TRABD2B: variants seen among roughly 807,000 people sequenced by gnomAD.
TRABD2B encodes the protein metalloprotease TIKI2.
In TRABD2B, 14 loss-of-function variants were observed where a neutral mutation model predicts 40.1. The ratio of observed to expected loss-of-function variants is 0.35; its 90% CI spans 0.23 to 0.55. The LOEUF (loss-of-function observed/expected upper bound fraction) is 0.55. Ranked by LOEUF, TRABD2B falls within the 20% of genes least tolerant of loss-of-function variation. The pLI is 0.90. For synonymous variants in TRABD2B, 263 were observed against 277.0 expected, an observed-to-expected ratio of 0.95 and a Z score of 0.50; for missense variants, 541 against 648.6, an observed-to-expected ratio of 0.83 and a Z score of 1.80.
chr1:47,950,356 A>G (rs1239236502), intron 2 of TRABD2B, among the ~76,000 whole-genome samples: 2 of 152,182 alleles, frequency 1.3e-5, no homozygotes, highest in Non-Finnish European at 2.9e-5. Flanking sequence ...GGCAGCAGGA[A>G]ATCATGCAAA....
intron 2 of TRABD2B, among the ~76,000 whole-genome samples, chr1:47,973,725 G>A (rs559982684): frequency 6.6e-6 from 1 of 152,146 alleles, no homozygotes; most frequent in East Asian, 1.9e-4. Flanking sequence ...TTCTAATAGC[G>A]TCCATGCTGG....
chr1:47,878,504 C>T (rs374263523), intron 2 of TRABD2B, among the ~76,000 whole-genome samples: 2 of 152,122 alleles, frequency 1.3e-5, no homozygotes, highest in Non-Finnish European at 2.9e-5. Flanking sequence ...GACACCATAG[C>T]GAGTGAAAAA....
rs1439406222 is a variant in TRABD2B at position 47,994,185 on chromosome 1, G to A, written c.515C>T (p.Ser172Leu). ...GAAGCGCACGTCCCTCTCTGTGAGCGAGTTTACCATGAGCATCACCCAGAC... is the reference window on the plus strand; with the variant it reads ...GAAGCGCACGTCCCTCTCTGTGAGCAAGTTTACCATGAGCATCACCCAGAC... ...RPVWVMLMVN[S>L]LTERDVRFRG... The change falls in exon 2 of 7, where the codon TCG becomes TTG. Residue 172 changes from serine (S) to leucine (L), a missense_variant. Physicochemically the swap from Ser to Leu is moderately radical, Grantham distance 145. This residue lies in a region of TRABD2B where 369 missense variants were observed against 492.8 expected (regional missense o/e 0.75). Transcript: ENST00000606738. The surrounding 1 kb of genome is among the most constrained non-coding windows in gnomAD (Gnocchi z 6.7). 19 of 1,540,912 alleles carry A rather than the reference G, an allele frequency of 1.2e-5. No homozygotes were observed. The highest frequency in any genetic ancestry group is 2.7e-5 in the African/African-American group (2 of 73,242).
At position 47,778,501 on chromosome 1, in the gene TRABD2B, C is replaced by T; in HGVS notation, c.1032G>A (p.Gln344=). ...GTGTGTGGTCCACCTCCAGCCCTGC[C>T]TGCCGCAGGATGTCGATGACTGTGT... ...GNNTVIDILR[Q]AGLEVDHTPA... Residue 344 remains glutamine, a synonymous_variant, in exon 5 of 7, where the codon CAG becomes CAA. Transcript: ENST00000606738. 1 of 1,536,170 alleles carries T rather than the reference C, an allele frequency of 6.5e-7. No homozygotes were observed. Among genetic ancestry groups the T allele is most frequent in the Non-Finnish European group, 8.7e-7 (1 of 1,146,910 alleles).
intron 2 of TRABD2B, among the ~76,000 whole-genome samples, chr1:47,815,796 CAGAGAT>C (rs1645022365): frequency 7.4e-6 from 1 of 136,010 alleles, no homozygotes; most frequent in African/African-American, 2.7e-5. Context: ...GAGATGGTGA[CAGAGAT>C]AGATAGATAG....
chr1:47,798,588 G>A (rs1349457706), intron 3 of TRABD2B, among the ~76,000 whole-genome samples: 1 of 152,186 alleles, frequency 6.6e-6, no homozygotes, highest in African/African-American at 2.4e-5. Context: ...GCCTGCACCT[G>A]TCCTGCCCTG....
chr1:47,913,239 T>C (rs1041491370), intron 2 of TRABD2B, among the ~76,000 whole-genome samples: 2 of 152,116 alleles, frequency 1.3e-5, no homozygotes, highest in African/African-American at 4.8e-5. Context: ...CACCTTCCTA[T>C]AGATCGATCC....
chr1:47,988,493 G>A (rs555192402), intron 2 of TRABD2B, among the ~76,000 whole-genome samples: 88 of 152,300 alleles, frequency 5.8e-4, no homozygotes, highest in South Asian at 3.5e-3. Context: ...CACAATGAAG[G>A]AGAGCAGCTG....
chr1:47,996,774 C>T lies in TRABD2B; in HGVS notation c.16G>A (p.Ala6Thr). The T allele has an allele frequency of 3.3e-6, 4 of 1,210,514 alleles. No individual in the cohort carries two copies. Among genetic ancestry groups the T allele is most frequent in the Non-Finnish European group, 3.1e-6 (3 of 973,856 alleles). The allele number at this position is 1,210,514 out of a possible 1,614,324, so 75.0% of individuals were successfully genotyped here. The change falls in exon 1 of 7, where the codon GCG (alanine) becomes ACG (threonine). Residue 6 changes from alanine (A) to threonine (T), a missense_variant. By Grantham distance (58) the Ala-to-Thr change is moderately conservative. Around this residue, in one of 2 missense-constraint regions of TRABD2B, gnomAD observed 369 missense variants for 492.8 expected, o/e 0.75. Coordinates refer to ENST00000606738, the MANE Select transcript of TRABD2B (RefSeq NM_001194986.2). This position sits in a 1 kb window ranked among gnomAD's most constrained non-coding sequence, Gnocchi z 4.6. ...AGGAGGGCGGCGAGCAGCGGCCCCGCCAGGGCGGCGTGCATCCTGCCAGGG... is the reference window on the plus strand; with the variant it reads ...AGGAGGGCGGCGAGCAGCGGCCCCGTCAGGGCGGCGTGCATCCTGCCAGGG... MHAAL[A>T]GPLLAALLAT...
intron 2 of TRABD2B, among the ~76,000 whole-genome samples, chr1:47,872,609 A>G (rs1054329474): frequency 6.6e-6 from 1 of 152,188 alleles, no homozygotes; most frequent in African/African-American, 2.4e-5. Flanking sequence ...TGAGAGAATG[A>G]AGATGGAGTG....
chr1:47,860,584 C>G (rs1160168309), intron 2 of TRABD2B, among the ~76,000 whole-genome samples: 1 of 152,076 alleles, frequency 6.6e-6, no homozygotes, highest in Non-Finnish European at 1.5e-5. Flanking sequence ...TCCTCTGGGC[C>G]CCAGCATCTT....
intron 2 of TRABD2B, among the ~76,000 whole-genome samples, chr1:47,915,514 C>T (rs969414247): frequency 2.6e-5 from 4 of 152,152 alleles, no homozygotes; most frequent in African/African-American, 9.7e-5. Context: ...TCTTTACTGA[C>T]CCATTTTACA....
intron 2 of TRABD2B, among the ~76,000 whole-genome samples, chr1:47,937,265 C>G (rs577401405): frequency 6.6e-6 from 1 of 151,858 alleles, no homozygotes; most frequent in East Asian, 1.9e-4. Flanking sequence ...TCACCATCAT[C>G]ATCACCACTA....
intron 2 of TRABD2B, among the ~76,000 whole-genome samples, chr1:47,972,024 C>G (rs1645688851): frequency 6.6e-6 from 1 of 152,166 alleles, no homozygotes; most frequent in African/African-American, 2.4e-5. Flanking sequence ...TCCACAACCT[C>G]TAATCACACA....
At chr1:47,816,848 A>G (rs3930825) in intron 2 of TRABD2B, among the ~76,000 whole-genome samples, 74,873 of 152,072 alleles carry the variant, frequency 0.49, 19,691 homozygotes, top group Middle Eastern at 0.68. Context: ...TCCCTATTTT[A>G]CTGGTGAGAC....
intron 2 of TRABD2B, among the ~76,000 whole-genome samples, chr1:47,869,251 T>C (rs1454798431): frequency 6.6e-6 from 1 of 152,128 alleles, no homozygotes; most frequent in African/African-American, 2.4e-5. Flanking sequence ...CTCAATAAAA[T>C]TTTACTAAAT....
chr1:47,851,094 C>T (rs1645544282), intron 2 of TRABD2B, among the ~76,000 whole-genome samples: 1 of 152,174 alleles, frequency 6.6e-6, no homozygotes, highest in Non-Finnish European at 1.5e-5. Context: ...TACCAGTCCA[C>T]AGACCAGGTG....
chr1:47,904,223 A>G (rs7550460), intron 2 of TRABD2B, among the ~76,000 whole-genome samples: 147,549 of 152,220 alleles, frequency 0.97, 71,692 homozygotes, highest in Non-Finnish European at 1. Flanking sequence ...AGATGGGTGG[A>G]AAGAATGTGG....
In TRABD2B at chr1:47,958,927, T is replaced by C. The variant is rs1207038545; in HGVS notation, c.666+35107A>G. Reference sequence around the variant, plus strand: ...AATATACATTCTTCTCAGCACCACATCACACTTATTCCAAGATTGACCACA... The same window carrying C: ...AATATACATTCTTCTCAGCACCACACCACACTTATTCCAAGATTGACCACA... On this transcript the variant is annotated intron_variant, in intron 2 of 6. Coordinates refer to ENST00000606738, the MANE Select transcript of TRABD2B (RefSeq NM_001194986.2). 4.6e-5 allele frequency among the ~76,000 whole-genome samples: 7 copies of C among 152,210 alleles called. No individual in the cohort carries two copies. The East Asian group carries it at 1.4e-3, about 29-fold the overall frequency.
Sources: gnomAD v4.1 joint callset for allele counts (sites outside exome capture counted in the v4.1 genomes callset) on GRCh38, gnomAD v4.1.1 for gene constraint, gnomAD v4.1.1 regional missense constraint, Gnocchi (gnomAD v3.1) non-coding constraint, MANE v1.5 for transcripts, NCBI Gene and HGNC (gene_info 2026-07-23, HGNC 2026-07-21) for gene names.